Variants in USP13 observed in about 807,000 individuals in gnomAD.
The protein encoded by USP13 is ubiquitin carboxyl-terminal hydrolase 13.
Under a neutral mutation model 107.8 loss-of-function variants are expected in USP13, and 68 were observed. That is an observed-to-expected ratio of 0.63 (90% CI 0.52 to 0.77). USP13 has a LOEUF of 0.77. Among genes scored for constraint, USP13 ranks in the 30% least tolerant of loss-of-function variants. The pLI is 0.00. For missense variants in USP13, 945 were observed against 1,093.3 expected (o/e 0.86, Z 1.91); for synonymous variants, 377 against 389.5 (o/e 0.97, Z 0.38).
intron 19 of USP13, among the ~76,000 whole-genome samples, chr3:179,774,152 G>A (rs1026709459): frequency 5.3e-5 from 8 of 152,148 alleles, no homozygotes; most frequent in Admixed American, 1.3e-4. Context: ...GAGAACAAGC[G>A]AGAGAGAAGA....
At chr3:179,664,959 G>T (rs1337692681) in intron 1 of USP13, among the ~76,000 whole-genome samples, 1 of 152,052 alleles carries the variant, frequency 6.6e-6, no homozygotes, top group East Asian at 1.9e-4. Context: ...ATGGTGGCAG[G>T]TGCCTGTAAT....
At chr3:179,729,547 C>A (rs1490724960) in intron 8 of USP13, among the ~76,000 whole-genome samples, 3 of 152,200 alleles carry the variant, frequency 2.0e-5, no homozygotes, top group Admixed American at 6.5e-5. Context: ...TCTTGGCTCA[C>A]TGCAACCTCC....
chr3:179,731,915 G>T (rs1357315597), intron 10 of USP13, among the ~76,000 whole-genome samples: 1 of 152,190 alleles, frequency 6.6e-6, no homozygotes, highest in East Asian at 1.9e-4. Context: ...CCTGTAGACT[G>T]AGAGCAAGAA....
intron 3 of USP13, among the ~76,000 whole-genome samples, chr3:179,694,201 C>A (rs779753921): frequency 6.6e-6 from 1 of 152,114 alleles, no homozygotes; most frequent in Non-Finnish European, 1.5e-5. Context: ...TCTCAAACTC[C>A]GGGGCTCAAG....
At chr3:179,747,896 CT>C (rs1391051674) in intron 13 of USP13, among the ~76,000 whole-genome samples, 2 of 152,282 alleles carry the variant, frequency 1.3e-5, no homozygotes, top group South Asian at 2.1e-4. Context: ...GAGCTTTTAC[CT>C]TTTCCTTTTT....
chr3:179,657,739 G>GA (rs1260571185), intron 1 of USP13, among the ~76,000 whole-genome samples: 1 of 141,080 alleles, frequency 7.1e-6, no homozygotes, highest in Non-Finnish European at 1.5e-5. Flanking sequence ...ACTCCAGCCT[G>GA]GTGACAGAGG....
chr3:179,688,417 C>G (rs73054611), intron 2 of USP13, among the ~76,000 whole-genome samples: 1 of 152,258 alleles, frequency 6.6e-6, no homozygotes, highest in Admixed American at 6.5e-5. Flanking sequence ...CATATATGCT[C>G]CCCTACTATG....
chr3:179,662,680 G>A (rs1195159222), intron 1 of USP13, among the ~76,000 whole-genome samples: 1 of 152,172 alleles, frequency 6.6e-6, no homozygotes, highest in African/African-American at 2.4e-5. Flanking sequence ...GTCACTTGCT[G>A]TCCCTTTTGG....
chr3:179,754,777 G>A lies in USP13; in HGVS notation c.1844G>A (p.Arg615Gln), dbSNP rs374433568. 1.4e-5 allele frequency: 23 copies of A among 1,613,386 alleles called. No individual in the cohort carries two copies. The highest frequency in any genetic ancestry group is 1.8e-5 in the Non-Finnish European group (21 of 1,179,750). ...GACCTACTTGATATCAACCATCTCC[G>A]AGCCAGGGGGTTACAGCCAGGAGAG... ...MPDLLDINHLRARGLQPGEEE... is the reference protein window; with the variant it reads ...MPDLLDINHLQARGLQPGEEE... The change falls in exon 15 of 21, where the codon CGA becomes CAA. Residue 615 changes from arginine to glutamine, a missense_variant. Arg to Gln is a conservative substitution (Grantham distance 43). Coordinates refer to ENST00000263966, the MANE Select transcript of USP13 (RefSeq NM_003940.3).
intron 8 of USP13, among the ~76,000 whole-genome samples, chr3:179,728,788 G>A (rs13089033): frequency 2.6e-5 from 4 of 151,784 alleles, no homozygotes; most frequent in Non-Finnish European, 5.9e-5. Flanking sequence ...GAGACCGGCC[G>A]GGCCAACACA....
At chr3:179,658,897 T>C (rs563155238) in intron 1 of USP13, among the ~76,000 whole-genome samples, 1 of 152,324 alleles carries the variant, frequency 6.6e-6, no homozygotes, top group African/African-American at 2.4e-5. Context: ...CAAGAGGTCC[T>C]CAGTGCAGCT....
At chr3:179,722,002 G>T (rs916759293) in intron 8 of USP13, among the ~76,000 whole-genome samples, 1 of 150,066 alleles carries the variant, frequency 6.7e-6, no homozygotes, top group Non-Finnish European at 1.5e-5. Context: ...GGAGGCAGAG[G>T]TTGCAGTGAG....
chr3:179,732,713 G>A (rs182715819), intron 10 of USP13, among the ~76,000 whole-genome samples: 1 of 151,582 alleles, frequency 6.6e-6, no homozygotes, highest in Non-Finnish European at 1.5e-5. Flanking sequence ...AATAAAATTT[G>A]GTTTTGTTAA....
chr3:179,723,127 G>A (rs1482367948), intron 8 of USP13, among the ~76,000 whole-genome samples: 3 of 152,174 alleles, frequency 2.0e-5, no homozygotes, highest in Non-Finnish European at 4.4e-5. Flanking sequence ...GACATGCCAG[G>A]AATAGTCCAG....
intron 10 of USP13, among the ~76,000 whole-genome samples, chr3:179,739,814 C>T (rs1714122440): frequency 6.6e-6 from 1 of 152,160 alleles, no homozygotes; most frequent in Non-Finnish European, 1.5e-5. Flanking sequence ...CTGCCTCGGC[C>T]TCCCAAAATG....
rs777287683 is a variant in USP13, at chr3:179,781,720, G to T, written c.2414-19G>T. On this transcript the variant is annotated intron_variant, in intron 19 of 20. Coordinates refer to ENST00000263966, the MANE Select transcript of USP13 (RefSeq NM_003940.3). Reference sequence around the variant, plus strand: ...TCTGGAAATGCTGCCTTGTAACTGAGTTGTTTCCTCTTTCACAGCATATGA... The same window carrying T: ...TCTGGAAATGCTGCCTTGTAACTGATTTGTTTCCTCTTTCACAGCATATGA... 1 of 1,610,950 alleles carries T rather than the reference G, an allele frequency of 6.2e-7. No individual in the cohort carries two copies. Among genetic ancestry groups the T allele is most frequent in the African/African-American group, 1.3e-5 (1 of 74,846 alleles).
intron 19 of USP13, among the ~76,000 whole-genome samples, chr3:179,769,071 G>C (rs912994061): frequency 3.3e-5 from 5 of 152,062 alleles, no homozygotes; most frequent in African/African-American, 1.2e-4. Flanking sequence ...TTAGACAAAT[G>C]TATAAAAATG....
At chr3:179,726,960 G>A (rs1302174768) in intron 8 of USP13, among the ~76,000 whole-genome samples, 1 of 151,936 alleles carries the variant, frequency 6.6e-6, no homozygotes, top group Non-Finnish European at 1.5e-5. Flanking sequence ...ATTACAGGTG[G>A]CTTGGAGACT....
In USP13 at chr3:179,747,834, A is replaced by G. The variant is rs539616907; in HGVS notation, c.1709+2617A>G. Among the ~76,000 whole-genome samples the G allele has an allele frequency of 1.5e-4, 23 of 152,292 alleles. No individual in the cohort carries two copies. In the East Asian group the frequency reaches 4.4e-3, roughly 29 times the overall value. ...ATTCAGTTGTAGGCAGTGCTAGCAT[A>G]TCTATCTAGAATCCTGGAGGAGGGG... is the stretch of plus-strand genomic sequence containing the variant. On this transcript the variant is annotated intron_variant, in intron 13 of 20. Transcript: ENST00000263966.
Sources: allele counts gnomAD v4.1 joint callset (sites outside exome capture counted in the v4.1 genomes callset), GRCh38; gene constraint gnomAD v4.1.1; transcripts MANE v1.5; gene names NCBI Gene and HGNC (gene_info 2026-07-23, HGNC 2026-07-21).